Variants in SPATA7 observed in about 807,000 individuals in gnomAD.
SPATA7 encodes spermatogenesis-associated protein 7.
SPATA7 carries 43 observed loss-of-function variants against 51.8 expected under a neutral mutation model. The ratio of observed to expected loss-of-function variants is 0.83; its 90% CI spans 0.65 to 1.07. SPATA7 has a LOEUF of 1.07. Ranked by LOEUF, SPATA7 falls within the 50% of genes least tolerant of loss-of-function variation. The probability of loss-of-function intolerance (pLI) is 0.00; values close to 1 mark genes in which losing one functional copy is unlikely to be tolerated. For missense variants in SPATA7, 683 were observed against 701.3 expected (o/e 0.97, Z 0.30); for synonymous variants, 230 against 252.8 (o/e 0.91, Z 0.86).
chr14:88,438,193 A>C lies in SPATA7; in HGVS notation c.1571A>C (p.His524Pro). 1 of 1,613,894 alleles carries C rather than the reference A, an allele frequency of 6.2e-7. No homozygotes were observed. Among genetic ancestry groups the C allele is most frequent in the Non-Finnish European group, 8.5e-7 (1 of 1,179,912 alleles). ...NLETSTLDEN[H>P]PSISDSLTDR... The stretch of plus-strand genomic sequence containing the variant: ...GAAACTTCAACTTTGGATGAAAATC[A>C]TCCAAGTATTTCAGACAGTTTAACA... Residue 524 changes from histidine (H) to proline (P), a missense_variant, in exon 12 of 12, where the codon CAT (histidine) becomes CCT (proline). His to Pro is a moderately conservative substitution (Grantham distance 77). Coordinates refer to ENST00000393545, the MANE Select transcript of SPATA7 (RefSeq NM_018418.5).
Position 88,469,135 on chromosome 14 carries a change from A to C in SPATA7, c.255-712A>C. 1.3e-6 allele frequency: 2 copies of C among 1,528,732 alleles called. No homozygotes were observed. The highest frequency in any genetic ancestry group is 1.8e-6 in the Non-Finnish European group (2 of 1,123,650). The allele number at this position is 1,528,732 out of a possible 1,614,324, so 94.7% of individuals were successfully genotyped here. A position where few individuals can be genotyped will look rare whatever the true frequency, so the allele number is the denominator to read the frequency against. On this transcript the variant is annotated intron_variant, in intron 4 of 4. Transcript: ENST00000556406. The surrounding 1 kb of genome is among the most constrained non-coding windows in gnomAD (Gnocchi z 4.3). ...AGGATCAAGGCGTATCACATTGTTG[A>C]CTCAATCTTCATATTCTCTCCACTG...
At chr14:88,428,184 AG>A (rs2076848108) in intron 7 of SPATA7, 1 of 152,144 alleles carries the variant, frequency 6.6e-6, no homozygotes, top group African/African-American at 2.4e-5. Flanking sequence ...TGTTTATTAC[AG>A]GGTTTATATT....
chr14:88,416,757 A>G lies in SPATA7; in HGVS notation c.285A>G (p.Gln95=). 1 of 1,613,484 alleles carries G rather than the reference A, an allele frequency of 6.2e-7. No individual in the cohort carries two copies. The highest frequency in any genetic ancestry group is 8.5e-7 in the Non-Finnish European group (1 of 1,179,626). The change falls in exon 5 of 12, where the codon CAA becomes CAG. Residue 95 remains glutamine (Q), a synonymous_variant. Coordinates refer to ENST00000393545, the MANE Select transcript of SPATA7 (RefSeq NM_018418.5). ...AGAAACTCAAAAAGGAATTAGCACA[A>G]TGTGAAAAAGAGTTCAAATTAACTA... ...RREKLKKELA[Q]CEKEFKLTKT... is the part of the protein sequence containing the mutation.
chr14:88,400,834 CAA>C (rs1351920451), intron 4 of SPATA7, among the ~76,000 whole-genome samples: 1 of 151,568 alleles, frequency 6.6e-6, no homozygotes, highest in African/African-American at 2.4e-5. Context: ...GATAAAATCT[CAA>C]AAAAATAAAA....
In SPATA7 at chr14:88,385,724, CT is replaced by C; in HGVS notation, c.-91del. ...GCTGCTGCAGCCCCCGTCGGCTCCT[CT>C]TTTCCAGTCCTCCACTGCCGGGGCT... On this transcript the variant is annotated 5_prime_UTR_variant, in exon 1 of 12. Coordinates refer to ENST00000393545, the MANE Select transcript of SPATA7 (RefSeq NM_018418.5). 7.7e-7 allele frequency: 1 copy of C among 1,296,004 alleles called. No individual in the cohort carries two copies. 80.3% of individuals were successfully genotyped at this position (1,296,004 alleles called of 1,614,324 possible). A position where few individuals can be genotyped will look rare whatever the true frequency, so the allele number is the denominator to read the frequency against.
chr14:88,428,707 T>C (rs1304752169), intron 7 of SPATA7: 1 of 152,150 alleles, frequency 6.6e-6, no homozygotes, highest in East Asian at 1.9e-4. Flanking sequence ...TGCAAGAAAA[T>C]GTGTGTCCCC....
intron 3 of SPATA7, among the ~76,000 whole-genome samples, chr14:88,451,149 T>G (rs1048379514): frequency 6.6e-6 from 1 of 152,200 alleles, no homozygotes; most frequent in Non-Finnish European, 1.5e-5. Context: ...TCTTCATTTC[T>G]AGAAGTTGTG....
At chr14:88,470,268 A>T in exon 5 of SPATA7, 1 of 556,946 alleles carries the variant, frequency 1.8e-6, no homozygotes. Flanking sequence ...AGGTACTGTG[A>T]ATATACATAA....
At chr14:88,393,588 A>C in intron 3 of SPATA7, 100 bp downstream of exon 3, 1 of 874,144 alleles carries the variant, frequency 1.1e-6, no homozygotes, top group East Asian at 2.7e-5. Flanking sequence ...CCTTATATAT[A>C]TGAGAGGATT....
chr14:88,469,734 C>G lies in SPATA7; in HGVS notation c.255-113C>G. Reference sequence around the variant, plus strand: ...TAAAGCTCTTCTCCCTTCCACCCTCCTGTTAAAGATGAGCATGGTTAAATG... The same window carrying G: ...TAAAGCTCTTCTCCCTTCCACCCTCGTGTTAAAGATGAGCATGGTTAAATG... On this transcript the variant is annotated intron_variant, in intron 4 of 4. Transcript: ENST00000556406. The surrounding 1 kb of genome is among the most constrained non-coding windows in gnomAD (Gnocchi z 4.3). 1.2e-6 allele frequency: 2 copies of G among 1,613,964 alleles called. No individual in the cohort carries two copies.
intron 3 of SPATA7, among the ~76,000 whole-genome samples, chr14:88,445,588 T>G (rs550223256): frequency 9.3e-5 from 14 of 150,528 alleles, no homozygotes; most frequent in Middle Eastern, 3.4e-3. Flanking sequence ...ATGCTTCCAG[T>G]TTTTGCCCAT....
At chr14:88,414,753 T>C (rs139552284) in intron 4 of SPATA7, 1 of 342,050 alleles carries the variant, frequency 2.9e-6, no homozygotes, top group African/African-American at 2.2e-5. Context: ...TTTCTGTTTT[T>C]ATTTATTTCA....
intron 8 of SPATA7, 97 bp from the exon 9 acceptor site, chr14:88,431,075 T>C: frequency 9.3e-7 from 1 of 1,080,576 alleles, no homozygotes; most frequent in Non-Finnish European, 1.4e-6. Flanking sequence ...ACATCTAAGA[T>C]AAGGGCTATT....
intron 4 of SPATA7, chr14:88,466,943 AATTT>A: frequency 6.6e-6 from 1 of 152,206 alleles, no homozygotes. Context: ...TATAATGCTG[AATTT>A]ATTTATGAAA....
intron 2 of SPATA7, 25 bp from the exon 3 acceptor site, chr14:88,393,368 A>G (rs1320545496): frequency 3.5e-6 from 5 of 1,428,258 alleles, no homozygotes; most frequent in East Asian, 2.5e-5. Flanking sequence ...TTTTAAATAT[A>G]TAATGATTAT....
intron 4 of SPATA7, among the ~76,000 whole-genome samples, chr14:88,414,340 A>G (rs535601159): frequency 8.5e-5 from 13 of 152,112 alleles, no homozygotes; most frequent in South Asian, 2.1e-4. Context: ...CCTAGTTTCT[A>G]TGCATAAAAG....
chr14:88,437,566 G>T lies in SPATA7; in HGVS notation c.1184G>T (p.Arg395Leu), dbSNP rs202077954. 1.2e-6 allele frequency: 2 copies of T among 1,610,458 alleles called. No homozygotes were observed. The highest frequency in any genetic ancestry group is 1.7e-6 in the Non-Finnish European group (2 of 1,177,886). The change falls in exon 11 of 12, where the codon CGA becomes CTA. Residue 395 changes from arginine to leucine, a missense_variant. Coordinates refer to ENST00000393545, the MANE Select transcript of SPATA7 (RefSeq NM_018418.5). The stretch of plus-strand genomic sequence containing the variant: ...AGGTTTTTAGAACGACTGTTCGAGC[G>T]ACATATAAAACAAAATAAACATTTG... Reference protein sequence around the residue: ...SNRFLERLFERHIKQNKHLEE... With the variant: ...SNRFLERLFELHIKQNKHLEE...
At chr14:88,392,711 T>A (rs1409927345) in intron 2 of SPATA7, among the ~76,000 whole-genome samples, 1 of 152,116 alleles carries the variant, frequency 6.6e-6, no homozygotes, top group Non-Finnish European at 1.5e-5. Flanking sequence ...TTTAACCACA[T>A]TGCGTGTATT....
chr14:88,434,102 A>G (rs949834067), intron 10 of SPATA7, among the ~76,000 whole-genome samples: 40 of 152,202 alleles, frequency 2.6e-4, no homozygotes, highest in African/African-American at 9.4e-4. Context: ...AATGGTTAAG[A>G]TGATAAGTTT....
Sources: gnomAD v4.1 joint callset for allele counts (sites outside exome capture counted in the v4.1 genomes callset) on GRCh38, gnomAD v4.1.1 for gene constraint, Gnocchi (gnomAD v3.1) non-coding constraint, MANE v1.5 for transcripts, NCBI Gene and HGNC (gene_info 2026-07-23, HGNC 2026-07-21) for gene names.